The following NSUN3 variants were observed in gnomAD, a reference collection of about 807,000 sequenced individuals.
NSUN3 encodes the protein tRNA (cytosine(34)-C(5))-methyltransferase, mitochondrial.
Under a neutral mutation model 36.8 loss-of-function variants are expected in NSUN3, and 24 were observed. The observed-to-expected ratio is 0.65, with a 90% CI of 0.47 to 0.92. NSUN3 has a LOEUF of 0.92. NSUN3 is among the 40% of genes least tolerant of loss of function. The pLI is 0.00. For missense variants in NSUN3, 381 were observed against 392.8 expected, an observed-to-expected ratio of 0.97 and a Z score of 0.25; for synonymous variants, 146 against 145.2, an observed-to-expected ratio of 1.01 and a Z score of -0.04.
At chr3:94,075,841 G>T in intron 2 of NSUN3, 1 of 1,030,568 alleles carries the variant, frequency 9.7e-7, no homozygotes. Context: ...CATAACCAGT[G>T]TTAAATCACT....
intron 2 of NSUN3, among the ~76,000 whole-genome samples, chr3:94,069,756 C>T (rs1023495055): frequency 6.6e-6 from 1 of 152,104 alleles, no homozygotes; most frequent in African/African-American, 2.4e-5. Flanking sequence ...GTTCAGAGAG[C>T]CTTGAATCAG....
At chr3:94,066,731 C>A (rs2077205251) in intron 2 of NSUN3, among the ~76,000 whole-genome samples, 1 of 152,134 alleles carries the variant, frequency 6.6e-6, no homozygotes, top group Non-Finnish European at 1.5e-5. Flanking sequence ...GATTTAGTCC[C>A]ATACTTCTGT....
At chr3:94,123,710 C>T (rs953471318) in intron 5 of NSUN3, among the ~76,000 whole-genome samples, 1 of 152,120 alleles carries the variant, frequency 6.6e-6, no homozygotes, top group Non-Finnish European at 1.5e-5. Context: ...CCTCCGCTTT[C>T]CTTGAACATG....
chr3:94,123,997 G>A (rs2077474639), intron 5 of NSUN3, among the ~76,000 whole-genome samples: 1 of 151,824 alleles, frequency 6.6e-6, no homozygotes, highest in African/African-American at 2.4e-5. Flanking sequence ...GTATGTATAT[G>A]TGTATATGTA....
intron 2 of NSUN3, among the ~76,000 whole-genome samples, chr3:94,066,376 A>C (rs761408044): frequency 3.9e-5 from 6 of 152,256 alleles, no homozygotes; most frequent in Non-Finnish European, 7.3e-5. Flanking sequence ...GGAAATAAGA[A>C]CAGAATGAAA....
chr3:94,080,779 G>T (rs1308281161), intron 2 of NSUN3, among the ~76,000 whole-genome samples: 3 of 152,202 alleles, frequency 2.0e-5, no homozygotes, highest in Admixed American at 6.5e-5. Context: ...ATCCCAGGTT[G>T]ATCTGAGACT....
intron 5 of NSUN3, among the ~76,000 whole-genome samples, chr3:94,099,973 T>C (rs2077358512): frequency 6.6e-6 from 1 of 152,180 alleles, no homozygotes; most frequent in Admixed American, 6.5e-5. Context: ...CAATATGAAA[T>C]AAAAGGTTTT....
intron 5 of NSUN3, among the ~76,000 whole-genome samples, chr3:94,122,151 T>TAAAA (rs753343062): frequency 3.5e-5 from 2 of 57,004 alleles, no homozygotes; most frequent in Admixed American, 2.0e-4. Flanking sequence ...TCCCCCCACC[T>TAAAA]AAAAAAAAAA....
intron 3 of NSUN3, among the ~76,000 whole-genome samples, chr3:94,090,175 A>G (rs2077308394): frequency 6.6e-6 from 1 of 152,174 alleles, no homozygotes; most frequent in African/African-American, 2.4e-5. Context: ...GGAATTTGTT[A>G]AATATGCCCC....
Position 94,089,195 on chromosome 3 carries a change from T to C in NSUN3, c.466+4745T>C, listed in dbSNP as rs1490679653. On this transcript the variant is annotated intron_variant, in intron 3 of 5. Coordinates refer to ENST00000314622, the MANE Select transcript of NSUN3 (RefSeq NM_022072.5). ...TACCATTATCCTTTGCAGCACTTTT[T>C]TTTACAGGTAATCAGGCATGAGTGG... 3.3e-5 allele frequency among the ~76,000 whole-genome samples: 5 copies of C among 152,198 alleles called. No homozygotes were observed. In the East Asian group the frequency reaches 9.6e-4, roughly 29 times the overall value.
At chr3:94,118,110 A>G (rs1193688855) in intron 5 of NSUN3, among the ~76,000 whole-genome samples, 1 of 152,164 alleles carries the variant, frequency 6.6e-6, no homozygotes. Flanking sequence ...AATGCTCCCA[A>G]GATAAAGAAA....
chr3:94,107,197 C>T (rs2077393254), intron 5 of NSUN3, among the ~76,000 whole-genome samples: 1 of 152,160 alleles, frequency 6.6e-6, no homozygotes, highest in Non-Finnish European at 1.5e-5. Context: ...TCCCAAAGTT[C>T]TGGGATTACG....
chr3:94,119,352 T>G (rs1026830315), intron 5 of NSUN3, among the ~76,000 whole-genome samples: 10 of 152,214 alleles, frequency 6.6e-5, no homozygotes, highest in African/African-American at 2.4e-4. Flanking sequence ...ATTATAGAGA[T>G]AGTTTTATAC....
rs191257094 is a variant in NSUN3 at position 94,073,932 on chromosome 3, G to A, written c.122+9386G>A. ...TTCTTCTAGGATTTTTATGGTTTTA[G>A]GTCTTATGTTTAAGTCTTTAATCCA... is the stretch of plus-strand genomic sequence containing the variant. On this transcript the variant is annotated intron_variant, in intron 2 of 5. Coordinates refer to ENST00000314622, the MANE Select transcript of NSUN3 (RefSeq NM_022072.5). 3.2e-3 allele frequency among the ~76,000 whole-genome samples: 485 copies of A among 152,166 alleles called. 1 individual carries two copies. Among genetic ancestry groups the A allele is most frequent in the Middle Eastern group, 0.02 (6 of 294 alleles).
At chr3:94,087,182 G>A (rs1489252988) in intron 3 of NSUN3, among the ~76,000 whole-genome samples, 1 of 152,180 alleles carries the variant, frequency 6.6e-6, no homozygotes, top group Non-Finnish European at 1.5e-5. Flanking sequence ...GATTTACTAA[G>A]AAGTACAGAT....
chr3:94,088,978 A>G (rs2107250983), intron 3 of NSUN3, among the ~76,000 whole-genome samples: 1 of 152,198 alleles, frequency 6.6e-6, no homozygotes, highest in East Asian at 1.9e-4. Flanking sequence ...CCAGATTATT[A>G]TTTATCTTTG....
intron 2 of NSUN3, among the ~76,000 whole-genome samples, chr3:94,069,223 A>G (rs1453758822): frequency 6.6e-6 from 1 of 152,242 alleles, no homozygotes; most frequent in African/African-American, 2.4e-5. Flanking sequence ...GGTACAGTGA[A>G]TAACAAATCT....
In NSUN3 at chr3:94,130,113, T is replaced by C. The variant is rs1450317335; in HGVS notation, c.*3623T>C. Among the ~76,000 whole-genome samples the C allele has an allele frequency of 6.6e-6, 1 of 152,140 alleles. No individual in the cohort carries two copies. Among genetic ancestry groups the C allele is most frequent in the African/African-American group, 2.4e-5 (1 of 41,424 alleles). On this transcript the variant is annotated 3_prime_UTR_variant, in exon 6 of 6. Transcript: ENST00000314622. ...CAGGAATAAGTATTATAACCCCCTT[T>C]TGTGAATGAGAAAACCAAAGCTCAG...
intron 5 of NSUN3, among the ~76,000 whole-genome samples, chr3:94,118,285 T>C (rs2077448360): frequency 6.6e-6 from 1 of 152,216 alleles, no homozygotes; most frequent in African/African-American, 2.4e-5. Flanking sequence ...GGGCATTTTA[T>C]ATTAAAGAAT....
Sources: gnomAD v4.1 joint callset for allele counts (sites outside exome capture counted in the v4.1 genomes callset) on GRCh38, gnomAD v4.1.1 for gene constraint, MANE v1.5 for transcripts, NCBI Gene and HGNC (gene_info 2026-07-23, HGNC 2026-07-21) for gene names.